CYP4X1: variants seen among roughly 807,000 people sequenced by gnomAD.
CYP4X1 encodes cytochrome P450 family 4 subfamily X member 1.
Under a neutral mutation model 57.9 loss-of-function variants are expected in CYP4X1, and 44 were observed. That is an observed-to-expected ratio of 0.76 (90% CI 0.60 to 0.98). The LOEUF is 0.98. Ranked by LOEUF, CYP4X1 falls within the 50% of genes least tolerant of loss-of-function variation. CYP4X1 has a pLI of 0.00. For synonymous variants in CYP4X1, 227 were observed against 228.6 expected (o/e 0.99, Z 0.06); for missense variants, 532 against 623.9 (o/e 0.85, Z 1.57).
the CYP4X1 span, among the ~76,000 whole-genome samples, chr1:46,989,300 T>C: frequency 6.6e-6 from 1 of 152,050 alleles, no homozygotes; most frequent in Non-Finnish European, 1.5e-5. Flanking sequence ...ACATTCACAA[T>C]TGCCACAGAG....
At chr1:47,046,235 T>G (rs1213962323) in intron 8 of CYP4X1, among the ~76,000 whole-genome samples, 1 of 152,224 alleles carries the variant, frequency 6.6e-6, no homozygotes, top group Admixed American at 6.5e-5. Flanking sequence ...GTTTTACTGC[T>G]AGTTTAGCAG....
chr1:47,023,205 A>G (rs114992673), upstream of CYP4X1, among the ~76,000 whole-genome samples: 603 of 152,328 alleles, frequency 4.0e-3, 8 homozygotes, highest in African/African-American at 0.014. Flanking sequence ...TGGAATTACT[A>G]TATGATGGTA....
rs759555093 is a variant in CYP4X1, at chr1:47,050,164, C to T, written c.1520C>T (p.Ser507Phe). Residue 507 changes from serine to phenylalanine, a missense_variant, in exon 12 of 12, where the codon TCT becomes TTT. Ser to Phe is a radical substitution (Grantham distance 155, BLOSUM62 -2). Coordinates refer to ENST00000371901, the MANE Select transcript of CYP4X1 (RefSeq NM_178033.2). ...ATGTATTTGCACCTGAAGAAACTCT[C>T]TGAATGTTAGATCTCAGGGTACAAT... is the stretch of plus-strand genomic sequence containing the variant. ...NGMYLHLKKLSEC is the reference protein window; with the variant it reads ...NGMYLHLKKLFEC 2 of 1,613,822 alleles carry T rather than the reference C, an allele frequency of 1.2e-6. No homozygotes were observed. Among genetic ancestry groups the T allele is most frequent in the Non-Finnish European group, 1.7e-6 (2 of 1,179,920 alleles).
rs566129462 is a variant in CYP4X1, at chr1:47,050,049, G to T, written c.1405G>T (p.Ala469Ser). ...FAMIELKVTI[A>S]LILLHFRVTP... ...CATGATTGAGTTAAAGGTAACCATT[G>T]CCTTGATTCTGCTCCACTTCAGAGT... The change falls in exon 12 of 12, where the codon GCC becomes TCC. Residue 469 changes from alanine to serine, a missense_variant. By Grantham distance (99) the Ala-to-Ser change is moderately conservative (BLOSUM62 1). Transcript: ENST00000371901. 1.2e-6 allele frequency: 2 copies of T among 1,613,948 alleles called. No homozygotes were observed. The highest frequency in any genetic ancestry group is 2.2e-5 in the South Asian group (2 of 91,072).
chr1:47,044,859 G>C (rs1644284195), intron 8 of CYP4X1, among the ~76,000 whole-genome samples: 1 of 146,984 alleles, frequency 6.8e-6, no homozygotes, highest in African/African-American at 2.5e-5. Flanking sequence ...TTTCACTCTT[G>C]TTGCCCAGGC....
At chr1:47,023,050 C>T (rs1644015666), upstream of CYP4X1, among the ~76,000 whole-genome samples, 1 of 152,200 alleles carries the variant, frequency 6.6e-6, no homozygotes, top group African/African-American at 2.4e-5. Flanking sequence ...ACCCAAGCAG[C>T]CACACGAGGC....
At chr1:47,039,279 G>A in intron 7 of CYP4X1, 63 bp from the exon 8 acceptor site, 1 of 1,408,718 alleles carries the variant, frequency 7.1e-7, no homozygotes. Context: ...CATTATTGTG[G>A]TTGTATCTCC....
In CYP4X1 at chr1:47,039,373, A is replaced by G. The variant is rs1455385184; in HGVS notation, c.914A>G (p.Asp305Gly). Residue 305 changes from aspartate to glycine, a missense_variant, in exon 8 of 12, where the codon GAT becomes GGT. Physicochemically the swap from Asp to Gly is moderately conservative, Grantham distance 94. Transcript: ENST00000371901. ...DESGSSFSDI[D>G]VHSEVSTFLL... is the part of the protein sequence containing the mutation. ...AGTGGTAGCAGCTTCTCAGATATTG[A>G]TGTACACTCTGAAGTGAGCACATTC... The G allele has an allele frequency of 1.2e-6, 2 of 1,609,080 alleles. No individual in the cohort carries two copies. Among genetic ancestry groups the G allele is most frequent in the African/African-American group, 2.7e-5 (2 of 74,494 alleles).
At chr1:46,961,599 G>T in the CYP4X1 span, 1 of 1,280,436 alleles carries the variant, frequency 7.8e-7, no homozygotes, top group Non-Finnish European at 1.0e-6. Context: ...TGGGGAGGAG[G>T]CCTGGACCTG....
chr1:47,036,505 T>C (rs1046605063), intron 6 of CYP4X1, among the ~76,000 whole-genome samples: 3 of 151,780 alleles, frequency 2.0e-5, no homozygotes, highest in African/African-American at 7.3e-5. Context: ...AATGACAAGC[T>C]AAAAACATTC....
At chr1:46,980,683 G>C in the CYP4X1 span, among the ~76,000 whole-genome samples, 1 of 152,132 alleles carries the variant, frequency 6.6e-6, no homozygotes, top group Admixed American at 6.5e-5. Context: ...ACAATACTTA[G>C]CAAAAAGAAC....
intron 10 of CYP4X1, among the ~76,000 whole-genome samples, chr1:47,049,188 T>A (rs1188365792): frequency 6.6e-6 from 1 of 152,210 alleles, no homozygotes; most frequent in Non-Finnish European, 1.5e-5. Context: ...CCTAAAAAAA[T>A]GTGAAACATT....
the CYP4X1 span, among the ~76,000 whole-genome samples, chr1:47,006,998 G>A: frequency 5.9e-5 from 9 of 152,230 alleles, no homozygotes; most frequent in Admixed American, 3.9e-4. Flanking sequence ...CTCCACCACT[G>A]GGGCAGGGCA....
the CYP4X1 span, among the ~76,000 whole-genome samples, chr1:47,008,564 C>T: frequency 6.6e-6 from 1 of 152,144 alleles, no homozygotes; most frequent in African/African-American, 2.4e-5. Context: ...ATCAAATTCA[C>T]ACATAACAAT....
At chr1:46,961,480 G>T in the CYP4X1 span, 4 of 1,083,828 alleles carry the variant, frequency 3.7e-6, no homozygotes, top group Non-Finnish European at 4.7e-6. Flanking sequence ...CCGTTCACTG[G>T]CTTCCAGAAC....
At chr1:46,979,771 T>C in the CYP4X1 span, among the ~76,000 whole-genome samples, 3 of 152,188 alleles carry the variant, frequency 2.0e-5, no homozygotes, top group African/African-American at 7.2e-5. Context: ...TCAAAAAGCT[T>C]ATCCACCAAG....
the CYP4X1 span, among the ~76,000 whole-genome samples, chr1:47,004,504 A>C: frequency 6.6e-6 from 1 of 152,214 alleles, no homozygotes; most frequent in Non-Finnish European, 1.5e-5. Flanking sequence ...AGGCAACTGC[A>C]GATGTCTGGC....
At chr1:46,967,917 T>C in the CYP4X1 span, 1 of 534,556 alleles carries the variant, frequency 1.9e-6, no homozygotes, top group Non-Finnish European at 3.0e-6. Flanking sequence ...GTCCCCATTA[T>C]GAGCTGGAAA....
the CYP4X1 span, among the ~76,000 whole-genome samples, chr1:47,009,270 T>A: frequency 6.6e-6 from 1 of 151,422 alleles, no homozygotes; most frequent in Non-Finnish European, 1.5e-5. Flanking sequence ...TCAAAACCGC[T>A]CAACTACATG....
Sources: allele counts gnomAD v4.1 joint callset (sites outside exome capture counted in the v4.1 genomes callset), GRCh38; gene constraint gnomAD v4.1.1; transcripts MANE v1.5; gene names NCBI Gene and HGNC (gene_info 2026-07-23, HGNC 2026-07-21).